The following NXN variants were observed in gnomAD, a reference collection of about 807,000 sequenced individuals.
NXN encodes the protein nucleoredoxin 1.
Under a neutral mutation model 48.6 loss-of-function variants are expected in NXN, and 16 were observed. The observed-to-expected ratio is 0.33, with a 90% confidence interval of 0.22 to 0.50. The LOEUF (loss-of-function observed/expected upper bound fraction) is 0.50, where lower values mean the gene tolerates loss of function less well. Ranked by LOEUF, NXN falls within the 20% of genes least tolerant of loss-of-function variation. NXN has a pLI of 0.98. For synonymous variants in NXN, 281 were observed against 269.6 expected (o/e 1.04, Z -0.41); for missense variants, 492 against 605.5 (o/e 0.81, Z 1.97).
At chr17:975,929 C>T (rs547438356) in intron 1 of NXN, among the ~76,000 whole-genome samples, 27 of 152,306 alleles carry the variant, frequency 1.8e-4, no homozygotes, top group South Asian at 4.1e-4. Context: ...CATCTACCAA[C>T]CTACTTATTA....
chr17:859,610 C>G (rs112540909), intron 1 of NXN, among the ~76,000 whole-genome samples: 8 of 152,144 alleles, frequency 5.3e-5, no homozygotes, highest in Non-Finnish European at 7.3e-5. Context: ...GCTGCACGGA[C>G]GGGCCTGCCA....
At chr17:922,085 G>C (rs1351739405) in intron 1 of NXN, among the ~76,000 whole-genome samples, 3 of 152,194 alleles carry the variant, frequency 2.0e-5, no homozygotes, top group African/African-American at 7.2e-5. Context: ...TTTTCAGCGG[G>C]TAACTGTGAC....
At chr17:925,795 C>G (rs1366924859) in intron 1 of NXN, among the ~76,000 whole-genome samples, 1 of 152,214 alleles carries the variant, frequency 6.6e-6, no homozygotes, top group African/African-American at 2.4e-5. Flanking sequence ...TGCCCTGGCT[C>G]AAGCAACTGC....
intron 1 of NXN, among the ~76,000 whole-genome samples, chr17:907,403 G>T (rs1473893430): frequency 1.3e-5 from 2 of 150,572 alleles, no homozygotes; most frequent in Non-Finnish European, 2.9e-5. Context: ...GCACTGGAGT[G>T]ATCTCAGCTC....
intron 1 of NXN, among the ~76,000 whole-genome samples, chr17:941,479 C>A (rs1421500134): frequency 5.5e-5 from 7 of 127,272 alleles, no homozygotes; most frequent in African/African-American, 1.6e-4. Flanking sequence ...TTACAGTGAA[C>A]AAGATTCCAG....
intron 1 of NXN, among the ~76,000 whole-genome samples, chr17:852,138 C>T (rs2067930144): frequency 6.6e-6 from 1 of 152,234 alleles, no homozygotes; most frequent in Admixed American, 6.5e-5. Flanking sequence ...TGCATGCCGG[C>T]CAAGGCCCCG....
chr17:884,647 G>A lies in NXN; in HGVS notation c.361-58569C>T, dbSNP rs374775669. Among the ~76,000 whole-genome samples, 14 of 152,248 alleles carry A rather than the reference G, an allele frequency of 9.2e-5. No individual in the cohort carries two copies. The East Asian group carries it at 2.7e-3, about 29-fold the overall frequency. ...TCCTCCATTCTCTCCCCATCCACCC[G>A]ACTTTCTAGAACACCTTCTGGACCC... On this transcript the variant is annotated intron_variant, in intron 1 of 7. Coordinates refer to ENST00000336868, the MANE Select transcript of NXN (RefSeq NM_022463.5).
chr17:972,295 TC>T (rs777164719), intron 1 of NXN, among the ~76,000 whole-genome samples: 1 of 146,466 alleles, frequency 6.8e-6, no homozygotes, highest in Non-Finnish European at 1.5e-5. Context: ...AGAACAAAAC[TC>T]CATCTCAAAA....
intron 1 of NXN, among the ~76,000 whole-genome samples, chr17:940,967 A>T (rs1262119860): frequency 7.0e-6 from 1 of 142,656 alleles, no homozygotes; most frequent in African/African-American, 2.8e-5. Flanking sequence ...TACAGTGAAC[A>T]AGATTCCAGG....
At chr17:972,522 C>T (rs527289564) in intron 1 of NXN, among the ~76,000 whole-genome samples, 2 of 152,164 alleles carry the variant, frequency 1.3e-5, no homozygotes, top group South Asian at 4.2e-4. Context: ...TATGCCAAGC[C>T]TGTGCTCTCC....
chr17:941,862 C>A (rs909536154), intron 1 of NXN, among the ~76,000 whole-genome samples: 1 of 68,698 alleles, frequency 1.5e-5, no homozygotes, highest in African/African-American at 6.8e-5. Context: ...AAACACCTCC[C>A]TGGATTTACA....
intron 1 of NXN, among the ~76,000 whole-genome samples, chr17:902,392 C>G (rs909448814): frequency 6.6e-6 from 1 of 152,158 alleles, no homozygotes; most frequent in Non-Finnish European, 1.5e-5. Context: ...ACCTGAAAAT[C>G]ACGGTGAAGG....
intron 1 of NXN, among the ~76,000 whole-genome samples, chr17:891,776 G>GTA (rs2068421046): frequency 3.3e-5 from 5 of 151,366 alleles, no homozygotes; most frequent in African/African-American, 7.3e-5. Flanking sequence ...ACCCCACCAT[G>GTA]CAGAACCCAA....
intron 1 of NXN, among the ~76,000 whole-genome samples, chr17:882,497 G>A (rs1007263560): frequency 5.9e-5 from 9 of 152,086 alleles, no homozygotes; most frequent in African/African-American, 1.9e-4. Context: ...ATGGAGTCTC[G>A]CTCTGTCACC....
intron 1 of NXN, among the ~76,000 whole-genome samples, chr17:896,084 A>C (rs1167262097): frequency 6.6e-6 from 1 of 152,026 alleles, no homozygotes; most frequent in East Asian, 1.9e-4. Flanking sequence ...TTATGCCTGT[A>C]ATCCCAGTAC....
intron 1 of NXN, among the ~76,000 whole-genome samples, chr17:893,941 T>TGGAAGCCAGAGGAAGCAACTCAACTCCC (rs1156890165): frequency 5.6e-5 from 6 of 106,670 alleles, no homozygotes; most frequent in African/African-American, 1.2e-4. Context: ...CTCAACTCCC[T>TGGAAGCCAGAGGAAGCAACTCAACTCCC]GGAAGCCAGA....
intron 1 of NXN, among the ~76,000 whole-genome samples, chr17:850,631 G>C (rs2067913654): frequency 1.3e-5 from 2 of 152,190 alleles, no homozygotes; most frequent in Non-Finnish European, 1.5e-5. Flanking sequence ...CTCTCTCCAG[G>C]GGGGCGGCGT....
At chr17:828,104 T>C (rs1339491941) in intron 1 of NXN, among the ~76,000 whole-genome samples, 1 of 152,096 alleles carries the variant, frequency 6.6e-6, no homozygotes, top group African/African-American at 2.4e-5. Flanking sequence ...CCAGTTTTTT[T>C]TGTTTTTTGG....
chr17:831,343 T>C (rs34978179), intron 1 of NXN, among the ~76,000 whole-genome samples: 58,886 of 151,644 alleles, frequency 0.39, 11,734 homozygotes, highest in East Asian at 0.51. Context: ...AGGATGTATA[T>C]AGGTTATATG....
Sources: gnomAD v4.1 joint callset for allele counts (sites outside exome capture counted in the v4.1 genomes callset) on GRCh38, gnomAD v4.1.1 for gene constraint, MANE v1.5 for transcripts, NCBI Gene and HGNC (gene_info 2026-07-23, HGNC 2026-07-21) for gene names.